Variants in SHISAL1 observed in about 807,000 individuals in gnomAD.
SHISAL1 encodes shisa like 1.
A neutral mutation model predicts 22.6 loss-of-function variants in SHISAL1; 9 were observed. That is an observed-to-expected ratio of 0.40 (90% CI 0.24 to 0.70). SHISAL1 has a LOEUF of 0.70. Ranked by LOEUF, SHISAL1 falls within the 30% of genes least tolerant of loss-of-function variation. SHISAL1 has a pLI of 0.39. For synonymous variants in SHISAL1, 119 were observed against 115.4 expected (o/e 1.03, Z -0.20); for missense variants, 246 against 270.6 (o/e 0.91, Z 0.64).
chr22:44,280,845 CG>C (rs769104579), intron 4 of SHISAL1, among the ~76,000 whole-genome samples: 4 of 152,126 alleles, frequency 2.6e-5, no homozygotes, highest in Non-Finnish European at 4.4e-5. Flanking sequence ...GCAGGTTGTG[CG>C]GCACTGGCGG....
intron 4 of SHISAL1, among the ~76,000 whole-genome samples, chr22:44,262,574 G>C (rs557525640): frequency 6.6e-6 from 1 of 152,372 alleles, no homozygotes; most frequent in East Asian, 1.9e-4. Context: ...ATGAGGCTCA[G>C]AGAGACAATG....
chr22:44,259,353 A>G (rs982063540), intron 4 of SHISAL1, among the ~76,000 whole-genome samples: 5 of 151,964 alleles, frequency 3.3e-5, no homozygotes, highest in African/African-American at 1.2e-4. Context: ...CAGGAGAATC[A>G]CTTAAACCTG....
At chr22:44,264,066 A>G (rs1473871901) in intron 4 of SHISAL1, among the ~76,000 whole-genome samples, 2 of 152,114 alleles carry the variant, frequency 1.3e-5, no homozygotes, top group Non-Finnish European at 2.9e-5. Flanking sequence ...ATGGAGAAAC[A>G]CAGTGTGGTG....
At chr22:44,279,837 A>G (rs1175763849) in intron 4 of SHISAL1, among the ~76,000 whole-genome samples, 22 of 152,238 alleles carry the variant, frequency 1.4e-4, no homozygotes, top group Admixed American at 1.4e-3. Context: ...CAGCATCAGC[A>G]TCTCCCAGGA....
chr22:44,286,639 C>T (rs1403072533), intron 3 of SHISAL1, among the ~76,000 whole-genome samples: 1 of 152,208 alleles, frequency 6.6e-6, no homozygotes, highest in Non-Finnish European at 1.5e-5. Flanking sequence ...TCCTACGCAG[C>T]TGGGTCAAGC....
intron 4 of SHISAL1, among the ~76,000 whole-genome samples, chr22:44,250,696 G>A (rs779526045): frequency 1.2e-4 from 19 of 152,224 alleles, no homozygotes; most frequent in Non-Finnish European, 1.0e-4. Context: ...TATCTTGCAT[G>A]CATGAGAATG....
At chr22:44,268,208 G>A (rs2039312597) in intron 4 of SHISAL1, among the ~76,000 whole-genome samples, 1 of 152,142 alleles carries the variant, frequency 6.6e-6, no homozygotes, top group South Asian at 2.1e-4. Flanking sequence ...AATGGGAGGA[G>A]GCATTAGACA....
chr22:44,303,200 C>T (rs907157336), intron 1 of SHISAL1, among the ~76,000 whole-genome samples: 7 of 151,988 alleles, frequency 4.6e-5, no homozygotes, highest in African/African-American at 1.2e-4. Flanking sequence ...CGGCTCTGGG[C>T]CAGAAGAGGT....
intron 4 of SHISAL1, among the ~76,000 whole-genome samples, chr22:44,263,972 C>G (rs552012696): frequency 6.6e-6 from 1 of 152,316 alleles, no homozygotes; most frequent in South Asian, 2.1e-4. Flanking sequence ...TTCACTTCAC[C>G]AAGAGACGTG....
At chr22:44,286,977 G>A (rs932941997) in intron 3 of SHISAL1, among the ~76,000 whole-genome samples, 3 of 152,224 alleles carry the variant, frequency 2.0e-5, no homozygotes, top group Non-Finnish European at 4.4e-5. Flanking sequence ...GCCTGTACAC[G>A]CCACCGCTGC....
At chr22:44,316,135 G>A (rs143929185), upstream of SHISAL1, among the ~76,000 whole-genome samples, 185 of 152,254 alleles carry the variant, frequency 1.2e-3, 2 homozygotes, top group South Asian at 0.012. Context: ...AGGCCCCCAC[G>A]TGGAATCCAG....
chr22:44,313,077 G>A (rs534101610), upstream of SHISAL1, among the ~76,000 whole-genome samples: 100 of 152,290 alleles, frequency 6.6e-4, no homozygotes, highest in Middle Eastern at 3.4e-3. Flanking sequence ...CAGTCCCCAC[G>A]CACTCCAGCC....
At chr22:44,283,920 C>T (rs1045991731) in intron 4 of SHISAL1, among the ~76,000 whole-genome samples, 8 of 152,146 alleles carry the variant, frequency 5.3e-5, no homozygotes, top group Admixed American at 1.3e-4. Flanking sequence ...TTGGGTCCTG[C>T]CAACAGACAT....
chr22:44,274,818 T>C (rs372791027), intron 4 of SHISAL1, among the ~76,000 whole-genome samples: 3 of 152,200 alleles, frequency 2.0e-5, no homozygotes, highest in African/African-American at 7.2e-5. Context: ...TTCCTATTTT[T>C]TACTCCTCAA....
intron 3 of SHISAL1, among the ~76,000 whole-genome samples, chr22:44,290,484 G>C (rs1435381305): frequency 6.8e-6 from 1 of 147,480 alleles, no homozygotes; most frequent in Admixed American, 6.8e-5. Context: ...AGCTGTGATT[G>C]TGCCATTGTA....
intron 4 of SHISAL1, among the ~76,000 whole-genome samples, chr22:44,251,781 G>C (rs2055049344): frequency 6.6e-6 from 1 of 152,172 alleles, no homozygotes; most frequent in Admixed American, 6.5e-5. Flanking sequence ...CTCCCACCAG[G>C]TTCCTCCCAT....
At chr22:44,320,289 T>C in the SHISAL1 span, among the ~76,000 whole-genome samples, 1 of 152,174 alleles carries the variant, frequency 6.6e-6, no homozygotes, top group African/African-American at 2.4e-5. Context: ...TGAGTTCCTA[T>C]ACACTGTTGG....
intron 1 of SHISAL1, among the ~76,000 whole-genome samples, chr22:44,301,788 C>T (rs2055431375): frequency 6.6e-6 from 1 of 152,118 alleles, no homozygotes; most frequent in Non-Finnish European, 1.5e-5. Context: ...TGCCTATGAA[C>T]TAGGCAAGGC....
chr22:44,267,062 G>C (rs946709226), intron 4 of SHISAL1, among the ~76,000 whole-genome samples: 1 of 152,094 alleles, frequency 6.6e-6, no homozygotes, highest in African/African-American at 2.4e-5. Context: ...GGAGCCCACG[G>C]ATTGCACCTG....
Sources: gnomAD v4.1 joint callset for allele counts (sites outside exome capture counted in the v4.1 genomes callset) on GRCh38, gnomAD v4.1.1 for gene constraint, MANE v1.5 for transcripts, NCBI Gene and HGNC (gene_info 2026-07-23, HGNC 2026-07-21) for gene names.